Variants in NLRC3 observed in about 807,000 individuals in gnomAD.
NLRC3 encodes the protein NLR family CARD domain containing 3.
A neutral mutation model predicts 91.6 loss-of-function variants in NLRC3; 87 were observed. That is an observed-to-expected ratio of 0.95 (90% confidence interval 0.80 to 1.14). The LOEUF is 1.14. Among genes scored for constraint, NLRC3 ranks in the 50% most tolerant of loss-of-function variants. NLRC3 has a pLI of 0.00. For missense variants in NLRC3, 1,577 were observed against 1,418.6 expected (o/e 1.11, Z -1.79); for synonymous variants, 694 against 625.3 (o/e 1.11, Z -1.64).
At chr16:3,565,138 G>GA in intron 3 of NLRC3, 78 bp from the exon 4 acceptor site, 10 of 1,130,292 alleles carry the variant, frequency 8.8e-6, no homozygotes, top group Non-Finnish European at 1.3e-5. Flanking sequence ...AAGTCCCCAG[G>GA]AACGGGGTCA....
intron 5 of NLRC3, 92 bp downstream of exon 5, chr16:3,562,917 G>C (rs1215888796): frequency 8.7e-7 from 1 of 1,156,064 alleles, no homozygotes; most frequent in Admixed American, 2.0e-5. Context: ...AGCCCTAGGA[G>C]ACTGACAGAG....
intron 17 of NLRC3, 133 bp from the exon 18 acceptor site, chr16:3,542,908 C>A (rs756432547): frequency 1.6e-6 from 1 of 628,598 alleles, no homozygotes; most frequent in Non-Finnish European, 2.9e-6. Context: ...CAGGGCTGTG[C>A]CTTCCTCACT....
chr16:3,561,157 C>T (rs1051644011), intron 6 of NLRC3, among the ~76,000 whole-genome samples: 1 of 151,776 alleles, frequency 6.6e-6, no homozygotes, highest in Admixed American at 6.6e-5. Context: ...CGAGGCCAGC[C>T]TGGTTAACAT....
rs1316038720 is a variant in NLRC3, at chr16:3,539,616, C to G, written c.*2209G>C. The G allele has an allele frequency of 6.6e-6, 1 of 152,226 alleles. No homozygotes were observed. Among genetic ancestry groups the G allele is most frequent in the African/African-American group, 2.4e-5 (1 of 41,452 alleles). 9.4% of individuals were successfully genotyped at this position (152,226 alleles called of 1,614,324 possible). On this transcript the variant is annotated 3_prime_UTR_variant, in exon 20 of 20. Coordinates refer to ENST00000359128, the MANE Select transcript of NLRC3 (RefSeq NM_178844.4). ...GCCAGTCTCTTAACTCAGACAGAAA[C>G]AATGCAAACCAGCAGACAGAGCATC...
chr16:3,572,740 C>T (rs558575380), intron 1 of NLRC3, among the ~76,000 whole-genome samples: 106 of 152,222 alleles, frequency 7.0e-4, no homozygotes, highest in Admixed American at 1.1e-3. Context: ...GGGCCAGGCG[C>T]GGTGACTCAC....
At chr16:3,561,414 A>C (rs2039605159) in intron 6 of NLRC3, among the ~76,000 whole-genome samples, 1 of 152,174 alleles carries the variant, frequency 6.6e-6, no homozygotes, top group African/African-American at 2.4e-5. Context: ...CTTAGAGAAC[A>C]TTGTGCCTGG....
chr16:3,539,187 G>A lies in NLRC3; in HGVS notation c.*2638C>T, dbSNP rs1005010069. On this transcript the variant is annotated 3_prime_UTR_variant, in exon 20 of 20. Coordinates refer to ENST00000359128, the MANE Select transcript of NLRC3 (RefSeq NM_178844.4). ...TAATATCAGTGTCACGTGTCTGGAAGGAAATTGTATTCATTTAGGTAAGCA... is the reference window on the plus strand; with the variant it reads ...TAATATCAGTGTCACGTGTCTGGAAAGAAATTGTATTCATTTAGGTAAGCA... 1 of 152,166 alleles carries A rather than the reference G, an allele frequency of 6.6e-6. No homozygotes were observed. The highest frequency in any genetic ancestry group is 1.5e-5 in the Non-Finnish European group (1 of 68,036). The allele number at this position is 152,166 out of a possible 1,614,324, so 9.4% of individuals were successfully genotyped here.
rs766795986 is a variant in NLRC3, at chr16:3,563,825, G to A, written c.1112C>T (p.Ala371Val). The A allele has an allele frequency of 2.9e-5, 46 of 1,609,136 alleles. No individual in the cohort carries two copies. Among genetic ancestry groups the A allele is most frequent in the Non-Finnish European group, 3.7e-5 (43 of 1,177,506 alleles). ...CELYSWYFRM[A>V]LSGEGQEKGK... ...CTTCTCCTGCCCCTCCCCGCTGAGG[G>A]CCATCCTAAAGTACCATGAGTAGAG... is the stretch of plus-strand genomic sequence containing the variant. The change falls in exon 5 of 20, where the codon GCC becomes GTC. Residue 371 changes from alanine to valine, a missense_variant. Transcript: ENST00000359128.
chr16:3,566,885 C>T (rs937367329), intron 2 of NLRC3, among the ~76,000 whole-genome samples: 2 of 151,938 alleles, frequency 1.3e-5, no homozygotes, highest in Non-Finnish European at 1.5e-5. Context: ...AGCGAGACTC[C>T]GTAAGCCTAA....
At position 3,564,621 on chromosome 16, in the gene NLRC3, AGTC is replaced by A. The variant is rs1046427480; in HGVS notation, c.313_315del (p.Asp105del). 1.2e-6 allele frequency: 2 copies of A among 1,609,490 alleles called. No individual in the cohort carries two copies. Among genetic ancestry groups the A allele is most frequent in the African/African-American group, 2.7e-5 (2 of 74,930 alleles). The stretch of plus-strand genomic sequence containing the variant: ...CCGCGGGTGGCCTCCACCTGTGTGA[AGTC>A]GTGTTCCCTCAGCTGCAGGTCCGTC... On this transcript the variant is annotated inframe_deletion, in exon 5 of 20. Transcript: ENST00000359128. This position sits in a 1 kb window ranked among gnomAD's most constrained non-coding sequence, Gnocchi z 5.9.
chr16:3,550,025 T>TG (rs2038912485), intron 11 of NLRC3, among the ~76,000 whole-genome samples: 1 of 152,118 alleles, frequency 6.6e-6, no homozygotes, highest in Non-Finnish European at 1.5e-5. Context: ...TGCCTTGATG[T>TG]GGGTGGCCCC....
chr16:3,544,308 C>A lies in NLRC3; in HGVS notation c.2793G>T (p.Gly931=). Residue 931 remains glycine, a synonymous_variant, in exon 16 of 20, where the codon GGG becomes GGT. Transcript: ENST00000359128. The part of the protein sequence containing the change: ...TSLDLQENAI[G]DDGACAVARA... ...GGGCCACCGCACACGCTCCGTCATCCCCGATGGCGTTCTCCTGTAAACTAG... is the reference window on the plus strand; with the variant it reads ...GGGCCACCGCACACGCTCCGTCATCACCGATGGCGTTCTCCTGTAAACTAG... The A allele has an allele frequency of 6.2e-7, 1 of 1,613,056 alleles. No homozygotes were observed. The highest frequency in any genetic ancestry group is 8.5e-7 in the Non-Finnish European group (1 of 1,179,096).
chr16:3,553,228 T>C (rs958542603), intron 9 of NLRC3, among the ~76,000 whole-genome samples: 3 of 152,222 alleles, frequency 2.0e-5, no homozygotes, highest in Admixed American at 2.0e-4. Context: ...CCTCTGTCCC[T>C]TTAAGATGTA....
intron 5 of NLRC3, 44 bp from the exon 6 acceptor site, chr16:3,561,832 G>T: frequency 7.0e-7 from 1 of 1,427,202 alleles, no homozygotes; most frequent in Non-Finnish European, 9.9e-7. Flanking sequence ...ACCCGCCCAC[G>T]GGCAGGGTGG....
intron 1 of NLRC3, among the ~76,000 whole-genome samples, chr16:3,569,694 A>C (rs1032479828): frequency 1.3e-5 from 2 of 151,712 alleles, no homozygotes; most frequent in Non-Finnish European, 2.9e-5. Context: ...CACCGTGCCC[A>C]GCCCAAAAAC....
intron 10 of NLRC3, among the ~76,000 whole-genome samples, 192 bp downstream of exon 10, chr16:3,551,985 CCATCCATCCATCCATCCAT>C: frequency 6.7e-6 from 1 of 150,290 alleles, no homozygotes; most frequent in East Asian, 2.0e-4. Context: ...CTTCATTCAT[CCATCCATCCATCCATCCAT>C]CCATCCATCC....
chr16:3,551,497 A>G (rs960186960), intron 10 of NLRC3, among the ~76,000 whole-genome samples: 1 of 150,596 alleles, frequency 6.6e-6, no homozygotes, highest in Non-Finnish European at 1.5e-5. Flanking sequence ...CCATCCCTCC[A>G]TCTACCCACT....
chr16:3,563,695 C>CA lies in NLRC3; in HGVS notation c.1241dup (p.Phe415ValfsTer67). 1 of 1,613,738 alleles carries CA rather than the reference C, an allele frequency of 6.2e-7. No individual in the cohort carries two copies. The highest frequency in any genetic ancestry group is 8.5e-7 in the Non-Finnish European group (1 of 1,179,856). On this transcript the variant is annotated frameshift_variant, in exon 5 of 20. Coordinates refer to ENST00000359128, the MANE Select transcript of NLRC3 (RefSeq NM_178844.4). LOFTEE classifies it high-confidence loss of function. ...ACGCCTTCATGTCTTGCTCGTAAAA[C>CA]ACGTATTTCTTCTTGAGCAGCCCAT...
chr16:3,565,075 C>A lies in NLRC3; in HGVS notation c.-24-15G>T. 1 of 1,585,508 alleles carries A rather than the reference C, an allele frequency of 6.3e-7. No homozygotes were observed. ...ACCTCCAGGAGCTGTGAAGAGAGGG[C>A]CTGAACCTGCTGCCTGCCGTGCCCC... On this transcript the variant is annotated splice_polypyrimidine_tract_variant and intron_variant, in intron 3 of 19. Coordinates refer to ENST00000359128, the MANE Select transcript of NLRC3 (RefSeq NM_178844.4).
Sources: allele counts gnomAD v4.1 joint callset (sites outside exome capture counted in the v4.1 genomes callset), GRCh38; gene constraint gnomAD v4.1.1; non-coding constraint Gnocchi (gnomAD v3.1); transcripts MANE v1.5; gene names NCBI Gene and HGNC (gene_info 2026-07-23, HGNC 2026-07-21).